The following ZMAT4 variants were observed in gnomAD, a reference collection of about 807,000 sequenced individuals.
The protein encoded by ZMAT4 is zinc finger matrin-type protein 4.
ZMAT4 carries 17 observed loss-of-function variants against 28.7 expected under a neutral mutation model. That is an observed-to-expected ratio of 0.59 (90% CI 0.41 to 0.89). The LOEUF (loss-of-function observed/expected upper bound fraction) is 0.89. ZMAT4 is among the 40% of genes least tolerant of loss of function. ZMAT4 has a pLI of 0.00. For synonymous variants in ZMAT4, 117 were observed against 109.2 expected (o/e 1.07, Z -0.44); for missense variants, 240 against 283.8 (o/e 0.85, Z 1.11).
chr8:40,619,022 T>C (rs745333047), intron 5 of ZMAT4, among the ~76,000 whole-genome samples: 9 of 152,166 alleles, frequency 5.9e-5, no homozygotes, highest in Admixed American at 1.3e-4. Flanking sequence ...AGTTAATGTT[T>C]TGGAGTAGTC....
intron 5 of ZMAT4, among the ~76,000 whole-genome samples, chr8:40,640,375 C>T (rs1806965907): frequency 6.6e-6 from 1 of 152,200 alleles, no homozygotes; most frequent in Admixed American, 6.5e-5. Flanking sequence ...TTTAGTGATA[C>T]TTGAAAAGGC....
chr8:40,558,446 A>G (rs1215670325), intron 6 of ZMAT4, among the ~76,000 whole-genome samples: 2 of 152,040 alleles, frequency 1.3e-5, no homozygotes, highest in Non-Finnish European at 2.9e-5. Flanking sequence ...GGGGAAAGGG[A>G]GAAAAGGGGG....
intron 2 of ZMAT4, among the ~76,000 whole-genome samples, chr8:40,821,994 T>G (rs1251649602): frequency 6.6e-6 from 1 of 152,214 alleles, no homozygotes; most frequent in African/African-American, 2.4e-5. Context: ...CCATAATAGC[T>G]CTAAATGATG....
chr8:40,765,241 C>A (rs754122313), intron 3 of ZMAT4, among the ~76,000 whole-genome samples: 1 of 151,788 alleles, frequency 6.6e-6, no homozygotes, highest in African/African-American at 2.4e-5. Flanking sequence ...TTCAGTCTCT[C>A]AATTCTTAGG....
chr8:40,684,325 G>A (rs1026942225), intron 4 of ZMAT4, among the ~76,000 whole-genome samples: 18 of 152,258 alleles, frequency 1.2e-4, no homozygotes, highest in African/African-American at 2.9e-4. Context: ...TCCTTTCATC[G>A]TAAACCTCAA....
At chr8:40,758,034 C>A (rs1192167211) in intron 3 of ZMAT4, among the ~76,000 whole-genome samples, 1 of 152,170 alleles carries the variant, frequency 6.6e-6, no homozygotes, top group African/African-American at 2.4e-5. Context: ...GACCTTCGAC[C>A]ACAGACTGAA....
intron 6 of ZMAT4, among the ~76,000 whole-genome samples, chr8:40,551,272 G>A (rs1442164600): frequency 3.3e-5 from 5 of 152,146 alleles, no homozygotes; most frequent in African/African-American, 1.2e-4. Flanking sequence ...TGGGGGACAG[G>A]GGTAGAAATC....
intron 2 of ZMAT4, among the ~76,000 whole-genome samples, chr8:40,800,372 A>G (rs544028486): frequency 6.6e-6 from 1 of 152,226 alleles, no homozygotes; most frequent in African/African-American, 2.4e-5. Context: ...CATAAACACA[A>G]CACCATTAAT....
intron 1 of ZMAT4, among the ~76,000 whole-genome samples, chr8:40,864,663 A>C (rs1226279494): frequency 6.6e-6 from 1 of 152,206 alleles, no homozygotes; most frequent in Non-Finnish European, 1.5e-5. Flanking sequence ...TCTTTGTCTC[A>C]GTGATGACAG....
rs1423026055 is a variant in ZMAT4 at position 40,531,554 on chromosome 8, T to C, written c.*669A>G. On this transcript the variant is annotated 3_prime_UTR_variant, in exon 7 of 7. Coordinates refer to ENST00000297737, the MANE Select transcript of ZMAT4 (RefSeq NM_024645.3). ...ACTAATTCTTTTCCTAAGCTATTAT[T>C]TGGCAACTTGCAAGGAGGACTTGGC... 1 of 152,612 alleles carries C rather than the reference T, an allele frequency of 6.6e-6. No homozygotes were observed. Among genetic ancestry groups the C allele is most frequent in the Non-Finnish European group, 1.5e-5 (1 of 68,030 alleles). The allele number at this position is 152,612 out of a possible 1,614,324, so 9.5% of individuals were successfully genotyped here.
intron 5 of ZMAT4, among the ~76,000 whole-genome samples, chr8:40,651,167 T>C (rs911619720): frequency 2.0e-5 from 3 of 152,026 alleles, no homozygotes; most frequent in East Asian, 1.9e-4. Context: ...TGATTGTATA[T>C]CTAGAAAACC....
In ZMAT4 at chr8:40,576,531, G is replaced by GAAA. The variant is rs202047657; in HGVS notation, c.674+4631_674+4633dup. ...GGATGACATATTTAAGGGCTGAAAG[G>GAAA]AAAAAAAAAAAAAAACTGTCAGTCA... On this transcript the variant is annotated intron_variant, in intron 6 of 6. Transcript: ENST00000297737. Among the ~76,000 whole-genome samples the GAAA allele has an allele frequency of 3.0e-3, 389 of 130,046 alleles. 1 individual carries two copies. The highest frequency in any genetic ancestry group is 7.9e-3 in the African/African-American group (292 of 36,864). 85.3% of individuals were successfully genotyped at this position (130,046 alleles called of 152,430 possible). A position where few individuals can be genotyped will look rare whatever the true frequency, so the allele number is the denominator to read the frequency against.
chr8:40,872,239 C>A lies in ZMAT4; in HGVS notation c.-5+25444G>T, dbSNP rs151072007. Among the ~76,000 whole-genome samples the A allele has an allele frequency of 1.0e-3, 159 of 152,320 alleles. 1 individual carries two copies. The highest frequency in any genetic ancestry group is 3.6e-3 in the African/African-American group (148 of 41,572). ...CACACGCACACACTGAGCAGGCAAG[C>A]CTCTGCTCCAGGCAGAAACAGTATC... is the stretch of plus-strand genomic sequence containing the variant. On this transcript the variant is annotated intron_variant, in intron 1 of 6. Transcript: ENST00000297737.
Position 40,885,381 on chromosome 8 carries a change from G to C in ZMAT4, c.-5+12302C>G, listed in dbSNP as rs563705509. Among the ~76,000 whole-genome samples, 3 of 151,932 alleles carry C rather than the reference G, an allele frequency of 2.0e-5. No individual in the cohort carries two copies. In the South Asian group the frequency reaches 6.3e-4, roughly 32 times the overall value. On this transcript the variant is annotated intron_variant, in intron 1 of 6. Transcript: ENST00000297737. ...ATCTGCCCTCTCCCTCTCCCTCCCC[G>C]CTGTTACCATCCGACCCGAGCCATC...
chr8:40,709,764 C>T (rs534390310), intron 3 of ZMAT4, among the ~76,000 whole-genome samples: 5 of 152,136 alleles, frequency 3.3e-5, no homozygotes, highest in South Asian at 4.1e-4. Flanking sequence ...TTGAGCCGGG[C>T]GTGGTGGCTC....
intron 2 of ZMAT4, among the ~76,000 whole-genome samples, chr8:40,781,285 AC>A (rs1813813478): frequency 6.6e-6 from 1 of 152,152 alleles, no homozygotes; most frequent in African/African-American, 2.4e-5. Flanking sequence ...ATAAAAAAAA[AC>A]TACTTAGGAA....
chr8:40,691,133 C>T (rs968675353), intron 4 of ZMAT4, among the ~76,000 whole-genome samples: 1 of 152,130 alleles, frequency 6.6e-6, no homozygotes, highest in Non-Finnish European at 1.5e-5. Context: ...AGGTTTTGAT[C>T]AATCAATATA....
intron 2 of ZMAT4, among the ~76,000 whole-genome samples, chr8:40,824,346 G>T (rs553835459): frequency 9.8e-4 from 149 of 152,368 alleles, no homozygotes; most frequent in Non-Finnish European, 1.7e-3. Context: ...TCAGGAGGCT[G>T]AGGTGGGAGG....
intron 3 of ZMAT4, among the ~76,000 whole-genome samples, chr8:40,710,945 TA>T (rs112272706): frequency 1.3e-4 from 20 of 152,042 alleles, no homozygotes; most frequent in Non-Finnish European, 2.2e-4. Context: ...CACACCCAGA[TA>T]AATTTTTTTT....
Sources: allele counts gnomAD v4.1 joint callset (sites outside exome capture counted in the v4.1 genomes callset), GRCh38; gene constraint gnomAD v4.1.1; transcripts MANE v1.5; gene names NCBI Gene and HGNC (gene_info 2026-07-23, HGNC 2026-07-21).